FBXO34: variants seen among roughly 807,000 people sequenced by gnomAD.
FBXO34 encodes the protein F-box only protein 34.
Under a neutral mutation model 24.5 loss-of-function variants are expected in FBXO34, and 12 were observed. The observed-to-expected ratio is 0.49, with a 90% CI of 0.31 to 0.79. The LOEUF is 0.79. Ranked by LOEUF, FBXO34 falls within the 30% of genes least tolerant of loss-of-function variation. The pLI is 0.04. For synonymous variants in FBXO34, 320 were observed against 311.9 expected (o/e 1.03, Z -0.27); for missense variants, 823 against 857.7 (o/e 0.96, Z 0.51).
chr14:55,325,388 G>A (rs1255998224), intron 1 of FBXO34, among the ~76,000 whole-genome samples: 1 of 152,156 alleles, frequency 6.6e-6, no homozygotes, highest in East Asian at 1.9e-4. Flanking sequence ...GTGCTAAGTT[G>A]TGATGGTGTA....
In FBXO34 at chr14:55,281,255, TAA is replaced by T. The variant is rs533626777; in HGVS notation, c.-11+9738_-11+9739del. ...GATGACAGAGTGAGACCCGACTCCTTAAAAAAAAAAAAAAAAAAAAAGCACAT... is the reference window on the plus strand; with the variant it reads ...GATGACAGAGTGAGACCCGACTCCTTAAAAAAAAAAAAAAAAAAAGCACAT... On this transcript the variant is annotated intron_variant, in intron 1 of 1. Transcript: ENST00000313833. Among the ~76,000 whole-genome samples, 636 of 98,418 alleles carry T rather than the reference TAA, an allele frequency of 6.5e-3. 3 individuals are homozygous for T. Among genetic ancestry groups the T allele is most frequent in the African/African-American group, 0.02 (523 of 25,546 alleles). 64.6% of individuals were successfully genotyped at this position (98,418 alleles called of 152,430 possible). A position where few individuals can be genotyped will look rare whatever the true frequency, so the allele number is the denominator to read the frequency against.
At chr14:55,401,538 T>G in the FBXO34 span, among the ~76,000 whole-genome samples, 1 of 152,236 alleles carries the variant, frequency 6.6e-6, no homozygotes, top group African/African-American at 2.4e-5. Context: ...TTCTATATTA[T>G]TCACTAAATT....
intron 1 of FBXO34, among the ~76,000 whole-genome samples, chr14:55,317,258 T>G (rs1882963361): frequency 6.6e-6 from 1 of 152,180 alleles, no homozygotes; most frequent in Non-Finnish European, 1.5e-5. Flanking sequence ...AGTTGCTAAA[T>G]GTAACAATTA....
the FBXO34 span, among the ~76,000 whole-genome samples, chr14:55,385,412 C>T: frequency 6.6e-6 from 1 of 152,222 alleles, no homozygotes; most frequent in Admixed American, 6.5e-5. Flanking sequence ...CCTGCCTCAG[C>T]CACCTGAGTA....
chr14:55,291,034 C>T (rs1157503538), intron 1 of FBXO34, among the ~76,000 whole-genome samples: 2 of 151,978 alleles, frequency 1.3e-5, no homozygotes, highest in Non-Finnish European at 2.9e-5. Context: ...ACCATGTTGG[C>T]CATGCTCGTC....
the FBXO34 span, among the ~76,000 whole-genome samples, chr14:55,388,128 C>T: frequency 1.3e-5 from 2 of 152,132 alleles, no homozygotes; most frequent in Non-Finnish European, 2.9e-5. Flanking sequence ...AAGAGCGAGA[C>T]TCCATCTCAA....
At chr14:55,354,050 TGTG>T (rs1446011915), downstream of FBXO34, among the ~76,000 whole-genome samples, 1 of 152,122 alleles carries the variant, frequency 6.6e-6, no homozygotes, top group Admixed American at 6.5e-5. Flanking sequence ...GGCTGCAGGC[TGTG>T]GAGAAGGATG....
chr14:55,380,545 G>A, the FBXO34 span: 2 of 1,403,862 alleles, frequency 1.4e-6, no homozygotes, highest in Non-Finnish European at 2.0e-6. Context: ...CCATGATAAA[G>A]ATGACATTAC....
At chr14:55,371,233 C>T (rs953983686), downstream of FBXO34, among the ~76,000 whole-genome samples, 12 of 152,190 alleles carry the variant, frequency 7.9e-5, no homozygotes, top group African/African-American at 2.2e-4. Context: ...AATCGTATAG[C>T]TTGCCATTTC....
chr14:55,422,492 G>A, the FBXO34 span, among the ~76,000 whole-genome samples: 4 of 151,962 alleles, frequency 2.6e-5, no homozygotes, highest in African/African-American at 4.8e-5. Flanking sequence ...CTCATAATTC[G>A]CCTGCCTCGG....
rs377256214 is a variant in FBXO34, at chr14:55,351,511, C to T, written c.1121C>T (p.Pro374Leu). ...TGGGACGGTGCTTCTCAGGACTGCC[C>T]CCCATTGCCAGCAGGAGTGAGTTTC... is the stretch of plus-strand genomic sequence containing the variant. ...QAWDGASQDC[P>L]PLPAGVSFHI... The change falls in exon 2 of 2, where the codon CCC becomes CTC. Residue 374 changes from proline to leucine, a missense_variant. Transcript: ENST00000313833. 32 of 1,613,982 alleles carry T rather than the reference C, an allele frequency of 2.0e-5. No individual in the cohort carries two copies. The highest frequency in any genetic ancestry group is 2.6e-5 in the Non-Finnish European group (31 of 1,180,030).
At chr14:55,384,940 C>G in the FBXO34 span, among the ~76,000 whole-genome samples, 2 of 152,166 alleles carry the variant, frequency 1.3e-5, no homozygotes, top group African/African-American at 4.8e-5. Flanking sequence ...CCTCTGGAAC[C>G]TCTATTTCTC....
Position 55,367,201 on chromosome 14 carries a change from G to C in FBXO34, c.*399G>C, listed in dbSNP as rs1022310562. On this transcript the variant is annotated 3_prime_UTR_variant and NMD_transcript_variant, in exon 3 of 3. Transcript: ENST00000680658. Reference sequence around the variant, plus strand: ...GGCTTAAGAAAACCATGACTGTTGTGCATCTCTCAGCTGAAGTCAGTCTCC... The same window carrying C: ...GGCTTAAGAAAACCATGACTGTTGTCCATCTCTCAGCTGAAGTCAGTCTCC... 3.9e-5 allele frequency: 6 copies of C among 152,262 alleles called. No individual in the cohort carries two copies. In the South Asian group the frequency reaches 8.3e-4, roughly 21 times the overall value. 9.4% of individuals were successfully genotyped at this position (152,262 alleles called of 1,614,324 possible).
At chr14:55,419,294 A>G in the FBXO34 span, among the ~76,000 whole-genome samples, 4 of 152,236 alleles carry the variant, frequency 2.6e-5, no homozygotes, top group African/African-American at 9.6e-5. Flanking sequence ...GGTATAAAGT[A>G]CAACTCACAG....
chr14:55,437,000 TGGGTGGG>T, the FBXO34 span: 1 of 1,614,032 alleles, frequency 6.2e-7, no homozygotes, highest in Non-Finnish European at 8.5e-7. Context: ...AGGGGAGACC[TGGGTGGG>T]GCAAGGCCAT....
downstream of FBXO34, among the ~76,000 whole-genome samples, chr14:55,365,745 T>C (rs1884664160): frequency 6.6e-6 from 1 of 152,116 alleles, no homozygotes; most frequent in Non-Finnish European, 1.5e-5. Context: ...CCTTGCCTAT[T>C]TCCTCCTGTT....
At chr14:55,435,835 G>C in the FBXO34 span, 4 of 1,531,510 alleles carry the variant, frequency 2.6e-6, no homozygotes, top group Admixed American at 2.3e-5. Flanking sequence ...AAGGAATACT[G>C]AGAAATGTTA....
At chr14:55,426,195 G>C in the FBXO34 span, among the ~76,000 whole-genome samples, 1 of 151,792 alleles carries the variant, frequency 6.6e-6, no homozygotes, top group Non-Finnish European at 1.5e-5. Context: ...TGAACCCTGG[G>C]GGGTGGAGGT....
At chr14:55,311,843 T>G (rs981050508) in intron 1 of FBXO34, among the ~76,000 whole-genome samples, 1 of 151,496 alleles carries the variant, frequency 6.6e-6, no homozygotes, top group African/African-American at 2.4e-5. Context: ...TTCTCCTGCC[T>G]TAGCCTCCCA....
Sources: gnomAD v4.1 joint callset for allele counts (sites outside exome capture counted in the v4.1 genomes callset) on GRCh38, gnomAD v4.1.1 for gene constraint, MANE v1.5 for transcripts, NCBI Gene and HGNC (gene_info 2026-07-23, HGNC 2026-07-21) for gene names.